Variants in ABCC4 observed in about 807,000 individuals in gnomAD.
ABCC4 encodes ATP-binding cassette sub-family C member 4.
In ABCC4, 102 loss-of-function variants were observed where a neutral mutation model predicts 168.5. That is an observed-to-expected ratio of 0.61 (90% CI 0.52 to 0.71). The LOEUF is 0.71. Ranked by LOEUF, ABCC4 falls within the 30% of genes least tolerant of loss-of-function variation. ABCC4 has a pLI of 0.00. For synonymous variants in ABCC4, 617 were observed against 590.7 expected, an observed-to-expected ratio of 1.04 and a Z score of -0.65; for missense variants, 1,402 against 1,605.8, an observed-to-expected ratio of 0.87 and a Z score of 2.17.
intron 19 of ABCC4, among the ~76,000 whole-genome samples, chr13:95,132,666 T>C (rs2036009768): frequency 6.6e-6 from 1 of 152,228 alleles, no homozygotes; most frequent in Non-Finnish European, 1.5e-5. Flanking sequence ...CTCAGTTGGT[T>C]GAATCTGAGC....
chr13:95,061,314 T>C (rs185067205), intron 26 of ABCC4, among the ~76,000 whole-genome samples: 182 of 152,352 alleles, frequency 1.2e-3, no homozygotes, highest in African/African-American at 4.1e-3. Flanking sequence ...TGCACCATTT[T>C]ACATTCCCAC....
intron 19 of ABCC4, among the ~76,000 whole-genome samples, chr13:95,135,715 A>G (rs558937260): frequency 1.3e-5 from 2 of 152,260 alleles, no homozygotes; most frequent in South Asian, 2.1e-4. Flanking sequence ...CACCTGGCCC[A>G]TAATTCCTAT....
intron 20 of ABCC4, among the ~76,000 whole-genome samples, chr13:95,112,684 T>C (rs1400930607): frequency 1.3e-5 from 2 of 152,196 alleles, no homozygotes; most frequent in East Asian, 3.8e-4. Flanking sequence ...AAATTTCCAG[T>C]TTTTTTAAAC....
chr13:95,245,857 C>G (rs1201772504), intron 3 of ABCC4, among the ~76,000 whole-genome samples: 1 of 149,120 alleles, frequency 6.7e-6, no homozygotes, highest in Non-Finnish European at 1.5e-5. Flanking sequence ...GCAAACCCCC[C>G]CACATACAAA....
intron 8 of ABCC4, among the ~76,000 whole-genome samples, chr13:95,202,179 A>G (rs1213504853): frequency 2.0e-5 from 3 of 152,240 alleles, no homozygotes; most frequent in Non-Finnish European, 2.9e-5. Context: ...AAAAAGACCT[A>G]CAAAGAAAAG....
intron 30 of ABCC4, among the ~76,000 whole-genome samples, chr13:95,022,319 T>C (rs1319539574): frequency 2.6e-5 from 4 of 152,158 alleles, no homozygotes; most frequent in Non-Finnish European, 5.9e-5. Context: ...TACCAAATAA[T>C]AGGACAGTTC....
At chr13:95,225,585 G>A (rs902953391) in intron 4 of ABCC4, among the ~76,000 whole-genome samples, 2 of 152,098 alleles carry the variant, frequency 1.3e-5, no homozygotes, top group African/African-American at 4.8e-5. Context: ...CAGGGTAATT[G>A]CTTGAGCCCA....
At chr13:95,280,772 T>C (rs2041101008) in intron 1 of ABCC4, among the ~76,000 whole-genome samples, 1 of 152,074 alleles carries the variant, frequency 6.6e-6, no homozygotes, top group Non-Finnish European at 1.5e-5. Flanking sequence ...GAGGCAGCTT[T>C]GTGGAATTTC....
chr13:95,238,233 G>T (rs574101857), intron 3 of ABCC4, among the ~76,000 whole-genome samples: 2 of 151,494 alleles, frequency 1.3e-5, no homozygotes, highest in African/African-American at 4.8e-5. Flanking sequence ...GGGGAACAGG[G>T]GACAAAACTA....
Position 95,247,748 on chromosome 13 carries a change from A to G in ABCC4, c.80T>C (p.Leu27Pro). ...NLCSRVFFWW[L>P]NPLFKIGHKR... ...ATGGCCAATTTTAAACAAGGGATTG[A>G]GCCACCTGTTAACAAGAGAAAAGAG... Residue 27 changes from leucine (L) to proline (P), a missense_variant, in exon 2 of 31, where the codon CTC becomes CCC. Leu to Pro is a moderately conservative substitution (Grantham distance 98). Coordinates refer to ENST00000645237, the MANE Select transcript of ABCC4 (RefSeq NM_005845.5). 3.7e-6 allele frequency: 6 copies of G among 1,611,920 alleles called. No individual in the cohort carries two copies. The highest frequency in any genetic ancestry group is 5.1e-6 in the Non-Finnish European group (6 of 1,178,016).
chr13:95,198,934 A>T (rs1642421646), intron 8 of ABCC4, among the ~76,000 whole-genome samples: 1 of 152,100 alleles, frequency 6.6e-6, no homozygotes. Context: ...CAGGAAGGGG[A>T]ACATCACACA....
At chr13:95,052,588 T>C (rs769341732) in intron 27 of ABCC4, among the ~76,000 whole-genome samples, 1 of 152,248 alleles carries the variant, frequency 6.6e-6, no homozygotes, top group Non-Finnish European at 1.5e-5. Context: ...TTATCTGCAT[T>C]AAAATTACAC....
At chr13:95,033,685 G>A (rs563714937) in intron 30 of ABCC4, among the ~76,000 whole-genome samples, 3 of 146,676 alleles carry the variant, frequency 2.0e-5, no homozygotes, top group Non-Finnish European at 3.0e-5. Context: ...TTTTTGAGAC[G>A]GAGTTTCGCT....
At chr13:95,053,649 T>C (rs1418111850) in intron 26 of ABCC4, 2 of 163,232 alleles carry the variant, frequency 1.2e-5, no homozygotes, top group Non-Finnish European at 2.7e-5. Context: ...TAAATTAGGA[T>C]TATTTTCTCC....
intron 13 of ABCC4, among the ~76,000 whole-genome samples, chr13:95,176,339 C>T (rs2037701694): frequency 7.0e-6 from 1 of 143,332 alleles, no homozygotes; most frequent in South Asian, 2.3e-4. Flanking sequence ...TTCAAAAAAA[C>T]ACTGAATGAG....
intron 19 of ABCC4, among the ~76,000 whole-genome samples, chr13:95,131,398 TG>T (rs1171178960): frequency 6.6e-6 from 1 of 152,032 alleles, no homozygotes; most frequent in African/African-American, 2.4e-5. Flanking sequence ...GAGGCTGAGG[TG>T]GGCAGATCAC....
intron 6 of ABCC4, 120 bp from the exon 7 acceptor site, chr13:95,208,045 A>G (rs2038833343): frequency 9.7e-7 from 1 of 1,029,234 alleles, no homozygotes; most frequent in Non-Finnish European, 1.4e-6. Context: ...TTCCGACAAC[A>G]CAGACAGGTC....
chr13:95,064,254 GTGTGTGTATATA>G (rs1302793268), intron 25 of ABCC4, among the ~76,000 whole-genome samples: 284 of 23,662 alleles, frequency 0.012, 3 homozygotes, highest in African/African-American at 0.02. Context: ...GGGTGTGTGT[GTGTGTGTATATA>G]TATATATATA....
intron 25 of ABCC4, among the ~76,000 whole-genome samples, chr13:95,065,900 C>T (rs922633797): frequency 6.6e-6 from 1 of 152,204 alleles, no homozygotes; most frequent in African/African-American, 2.4e-5. Flanking sequence ...TACATAAAAT[C>T]AATTGGCTTC....
Sources: allele counts gnomAD v4.1 joint callset (sites outside exome capture counted in the v4.1 genomes callset), GRCh38; gene constraint gnomAD v4.1.1; transcripts MANE v1.5; gene names NCBI Gene and HGNC (gene_info 2026-07-23, HGNC 2026-07-21).